The following PTPN14 variants were observed in gnomAD, a reference collection of about 807,000 sequenced individuals.
PTPN14 encodes the protein protein tyrosine phosphatase non-receptor type 14, also known as tyrosine-protein phosphatase non-receptor type 14.
A neutral mutation model predicts 126.8 loss-of-function variants in PTPN14; 53 were observed. The ratio of observed to expected loss-of-function variants is 0.42; its 90% CI spans 0.34 to 0.53. The LOEUF (loss-of-function observed/expected upper bound fraction) is 0.53. Ranked by LOEUF, PTPN14 falls within the 20% of genes least tolerant of loss-of-function variation. The pLI is 0.08. For missense variants in PTPN14, 1,257 were observed against 1,552.9 expected (o/e 0.81, Z 3.20); for synonymous variants, 630 against 599.3 (o/e 1.05, Z -0.75).
At chr1:214,500,929 T>C (rs1298616015) in intron 1 of PTPN14, among the ~76,000 whole-genome samples, 3 of 152,104 alleles carry the variant, frequency 2.0e-5, no homozygotes, top group Non-Finnish European at 4.4e-5. Flanking sequence ...AAACATCTGG[T>C]CCTTCGTAAT....
chr1:214,545,381 A>C (rs1260430060), intron 1 of PTPN14, among the ~76,000 whole-genome samples: 1 of 152,162 alleles, frequency 6.6e-6, no homozygotes. Context: ...CAGAACATGG[A>C]GAAAGGTACC....
intron 18 of PTPN14, among the ~76,000 whole-genome samples, chr1:214,359,379 A>C (rs1160723669): frequency 6.7e-6 from 1 of 149,776 alleles, no homozygotes; most frequent in Non-Finnish European, 1.5e-5. Flanking sequence ...ATGCCTGGCT[A>C]ATTTTTTTTT....
intron 18 of PTPN14, among the ~76,000 whole-genome samples, chr1:214,362,731 C>T (rs988104356): frequency 2.6e-5 from 4 of 152,082 alleles, no homozygotes; most frequent in African/African-American, 9.7e-5. Context: ...AGTGGAGTGG[C>T]CAGGCTTACG....
chr1:214,381,403 G>A (rs1245997355), intron 13 of PTPN14, among the ~76,000 whole-genome samples: 1 of 152,208 alleles, frequency 6.6e-6, no homozygotes, highest in Non-Finnish European at 1.5e-5. Flanking sequence ...TGCTGGGAAA[G>A]CTCTCTCCCA....
chr1:214,455,784 C>G (rs75395921), intron 2 of PTPN14, among the ~76,000 whole-genome samples: 1 of 152,150 alleles, frequency 6.6e-6, no homozygotes, highest in Admixed American at 6.6e-5. Flanking sequence ...ACTAAAAAAT[C>G]GGCTAGTTTC....
chr1:214,515,097 G>A (rs1655067661), intron 1 of PTPN14, among the ~76,000 whole-genome samples: 1 of 152,182 alleles, frequency 6.6e-6, no homozygotes, highest in African/African-American at 2.4e-5. Context: ...ACAGAGCCCA[G>A]GGAATGGCAG....
chr1:214,421,557 T>A (rs1245299654), intron 3 of PTPN14, among the ~76,000 whole-genome samples: 1 of 152,044 alleles, frequency 6.6e-6, no homozygotes, highest in East Asian at 1.9e-4. Flanking sequence ...AAAAAAAAAA[T>A]TTAATGGTGA....
At chr1:214,401,371 T>A (rs1659011945) in intron 7 of PTPN14, among the ~76,000 whole-genome samples, 1 of 152,240 alleles carries the variant, frequency 6.6e-6, no homozygotes, top group South Asian at 2.1e-4. Flanking sequence ...ATGTTACACA[T>A]GACATTGGCT....
intron 13 of PTPN14, among the ~76,000 whole-genome samples, chr1:214,378,423 T>C (rs1025945828): frequency 6.6e-6 from 1 of 152,122 alleles, no homozygotes; most frequent in Non-Finnish European, 1.5e-5. Flanking sequence ...TGCGATACAC[T>C]TTAGAAAGGT....
chr1:214,428,495 T>C (rs1314382690), intron 3 of PTPN14, among the ~76,000 whole-genome samples: 1 of 152,234 alleles, frequency 6.6e-6, no homozygotes, highest in Non-Finnish European at 1.5e-5. Flanking sequence ...AGGAAGTATC[T>C]TTGATATAGT....
chr1:214,488,601 G>A (rs772357390), intron 1 of PTPN14, among the ~76,000 whole-genome samples: 17 of 152,172 alleles, frequency 1.1e-4, no homozygotes, highest in Non-Finnish European at 1.0e-4. Flanking sequence ...GAACATTCAG[G>A]AGCATCATTA....
chr1:214,446,563 T>C (rs1462593136), intron 3 of PTPN14, among the ~76,000 whole-genome samples: 1 of 152,200 alleles, frequency 6.6e-6, no homozygotes, highest in Non-Finnish European at 1.5e-5. Context: ...ATTAAACAAT[T>C]TGCAATCAAT....
rs1198118401 is a variant in PTPN14, at chr1:214,364,283, C to T, written c.3435+229G>A. ...TTTTCTAAGTGTTTTCTATTGCACA[C>T]CCTCATTTCTCCTGTTTTATCTGGG... On this transcript the variant is annotated intron_variant, in intron 18 of 18. Coordinates refer to ENST00000366956, the MANE Select transcript of PTPN14 (RefSeq NM_005401.5). The surrounding 1 kb of genome is among the most constrained non-coding windows in gnomAD (Gnocchi z 4.1). Among the ~76,000 whole-genome samples the T allele has an allele frequency of 1.3e-5, 2 of 151,856 alleles. No individual in the cohort carries two copies. Among genetic ancestry groups the T allele is most frequent in the African/African-American group, 2.4e-5 (1 of 41,296 alleles).
intron 8 of PTPN14, among the ~76,000 whole-genome samples, chr1:214,397,532 TA>T (rs201659470): frequency 0.015 from 2,240 of 152,342 alleles, 28 homozygotes; most frequent in African/African-American, 0.03. Context: ...AACACATTTT[TA>T]AAACTAATCA....
At chr1:214,432,919 A>G (rs1414748541) in intron 3 of PTPN14, among the ~76,000 whole-genome samples, 1 of 151,952 alleles carries the variant, frequency 6.6e-6, no homozygotes, top group African/African-American at 2.4e-5. Context: ...TGAGCTGTAC[A>G]CTTTTCTTAC....
intron 1 of PTPN14, among the ~76,000 whole-genome samples, chr1:214,521,186 T>A (rs1304019491): frequency 6.6e-6 from 1 of 152,222 alleles, no homozygotes; most frequent in Non-Finnish European, 1.5e-5. Flanking sequence ...ATGGCCCACA[T>A]GGCATGTTAA....
At chr1:214,476,479 C>T (rs1425367555) in intron 1 of PTPN14, among the ~76,000 whole-genome samples, 2 of 152,282 alleles carry the variant, frequency 1.3e-5, no homozygotes, top group East Asian at 3.9e-4. Context: ...CTTTCCACAC[C>T]TTCCTTTCCC....
At chr1:214,407,690 C>G (rs946788288) in intron 5 of PTPN14, among the ~76,000 whole-genome samples, 5 of 152,160 alleles carry the variant, frequency 3.3e-5, no homozygotes, top group Non-Finnish European at 7.3e-5. Flanking sequence ...TACTTTCTCC[C>G]ATATGCCATC....
chr1:214,538,689 A>T (rs1260438455), intron 1 of PTPN14, among the ~76,000 whole-genome samples: 1 of 152,198 alleles, frequency 6.6e-6, no homozygotes, highest in Non-Finnish European at 1.5e-5. Context: ...TCAGTGGCTT[A>T]CAACTCCCCA....
Sources: gnomAD v4.1 joint callset for allele counts (sites outside exome capture counted in the v4.1 genomes callset) on GRCh38, gnomAD v4.1.1 for gene constraint, Gnocchi (gnomAD v3.1) non-coding constraint, MANE v1.5 for transcripts, NCBI Gene and HGNC (gene_info 2026-07-23, HGNC 2026-07-21) for gene names.